The following EARS2 variants were observed in gnomAD, a reference collection of about 807,000 sequenced individuals.
EARS2 encodes glutamyl-tRNA synthetase 2, mitochondrial, also known as nondiscriminating glutamyl-tRNA synthetase EARS2, mitochondrial.
EARS2 carries 50 observed loss-of-function variants against 54.1 expected under a neutral mutation model. The ratio of observed to expected loss-of-function variants is 0.92; its 90% CI spans 0.74 to 1.17. EARS2 has a LOEUF of 1.17. EARS2 is among the 50% of genes most tolerant of loss of function. EARS2 has a pLI of 0.00. For synonymous variants in EARS2, 298 were observed against 281.0 expected (o/e 1.06, Z -0.61); for missense variants, 673 against 675.0 (o/e 1.00, Z 0.03).
chr16:23,532,546 G>A lies in EARS2; in HGVS notation c.1067+111C>T, dbSNP rs1597011492. 5.9e-6 allele frequency: 4 copies of A among 678,896 alleles called. No individual in the cohort carries two copies. In the East Asian group the frequency reaches 1.1e-4, roughly 19 times the overall value. The allele number at this position is 678,896 out of a possible 1,614,324, so 42.1% of individuals were successfully genotyped here. On this transcript the variant is annotated intron_variant, in intron 5 of 8. Coordinates refer to ENST00000449606, the MANE Select transcript of EARS2 (RefSeq NM_001083614.2). ...AGGCTCAAAGAGGCTAGGTGATTTA[G>A]CCATGGTCACACAGAATTAGGTACC...
At position 23,529,597 on chromosome 16, in the gene EARS2, T is replaced by C. The variant is rs1409056738; in HGVS notation, c.1257A>G (p.Pro419=). ...GGCGAGTCCACAGGTAAGAGTATACTGGGGACACCAAGTCCTGCAGGCGGC... is the reference window on the plus strand; with the variant it reads ...GGCGAGTCCACAGGTAAGAGTATACCGGGGACACCAAGTCCTGCAGGCGGC... ...HICRLQDLVS[P]VYSYLWTRPA... is the part of the protein sequence containing the mutation. The change falls in exon 7 of 9, where the codon CCA becomes CCG. Residue 419 remains proline, a synonymous_variant. Coordinates refer to ENST00000449606, the MANE Select transcript of EARS2 (RefSeq NM_001083614.2). 1.2e-6 allele frequency: 2 copies of C among 1,614,118 alleles called. No individual in the cohort carries two copies. The highest frequency in any genetic ancestry group is 3.3e-5 in the Admixed American group (2 of 60,010).
chr16:23,525,051 T>G, intron 8 of EARS2, 193 bp downstream of exon 8: 2 of 698,764 alleles, frequency 2.9e-6, no homozygotes, highest in South Asian at 3.6e-5. Context: ...TATATTGTAT[T>G]CACTGTACCT....
intron 3 of EARS2, among the ~76,000 whole-genome samples, chr16:23,536,571 A>G (rs1965420972): frequency 6.6e-6 from 1 of 152,122 alleles, no homozygotes; most frequent in African/African-American, 2.4e-5. Flanking sequence ...CCAAGGTGGA[A>G]GAATCACTGG....
At chr16:23,532,033 G>A (rs766699434) in intron 5 of EARS2, among the ~76,000 whole-genome samples, 2 of 152,084 alleles carry the variant, frequency 1.3e-5, no homozygotes, top group South Asian at 2.1e-4. Flanking sequence ...GGCTGGTCTC[G>A]AACTCCTGAC....
Position 23,523,986 on chromosome 16 carries a change from CTCTGT to C in EARS2, c.*380_*384del, listed in dbSNP as rs3071379. The C allele has an allele frequency of 0.73, 127,227 of 173,334 alleles. 47,030 individuals carry two copies. The highest frequency in any genetic ancestry group is 0.8 in the Non-Finnish European group (66,717 of 83,260). 10.7% of individuals were successfully genotyped at this position (173,334 alleles called of 1,614,324 possible). On this transcript the variant is annotated 3_prime_UTR_variant, in exon 9 of 9. Transcript: ENST00000449606. ...AGCCTCCAAATGTGAGAAAATAAAT[CTCTGT>C]TGTTTAAACCACCTGGTTCTGTGGC...
In EARS2 at chr16:23,533,322, T is replaced by C. The variant is rs140113633; in HGVS notation, c.959-557A>G. ...ACACACATACATACATACATTTTTC[T>C]GTAGACATGGAGTTTCACTATATTG... On this transcript the variant is annotated intron_variant, in intron 4 of 8. Transcript: ENST00000449606. Among the ~76,000 whole-genome samples the C allele has an allele frequency of 8.5e-5, 13 of 152,210 alleles. No homozygotes were observed. The East Asian group carries it at 2.5e-3, about 30-fold the overall frequency.
intron 3 of EARS2, among the ~76,000 whole-genome samples, chr16:23,538,583 G>T (rs1965462488): frequency 6.6e-6 from 1 of 152,182 alleles, no homozygotes; most frequent in Non-Finnish European, 1.5e-5. Flanking sequence ...CTGTCCAAGT[G>T]CGGTGGCTCA....
chr16:23,548,470 C>CTGA (rs1965642152), intron 2 of EARS2, among the ~76,000 whole-genome samples: 1 of 152,052 alleles, frequency 6.6e-6, no homozygotes, highest in Non-Finnish European at 1.5e-5. Flanking sequence ...CCACCATCAC[C>CTGA]GTTGTTCATC....
chr16:23,549,282 C>T (rs934144020), intron 2 of EARS2, among the ~76,000 whole-genome samples: 11 of 152,152 alleles, frequency 7.2e-5, no homozygotes, highest in African/African-American at 2.7e-4. Flanking sequence ...TTTTGGGTGC[C>T]ACCATGTTCC....
intron 2 of EARS2, among the ~76,000 whole-genome samples, chr16:23,548,385 G>C (rs556892009): frequency 6.6e-6 from 1 of 152,156 alleles, no homozygotes; most frequent in African/African-American, 2.4e-5. Flanking sequence ...ACACCAGGGT[G>C]GGGGACAAGC....
In EARS2 at chr16:23,532,776, G is replaced by T. The variant is rs748792286; in HGVS notation, c.959-11C>A. 21 of 1,598,450 alleles carry T rather than the reference G, an allele frequency of 1.3e-5. No homozygotes were observed. The African/African-American group carries it at 2.5e-4, about 19-fold the overall frequency. On this transcript the variant is annotated splice_polypyrimidine_tract_variant and intron_variant, in intron 4 of 8. Coordinates refer to ENST00000449606, the MANE Select transcript of EARS2 (RefSeq NM_001083614.2). ...TGCCCATTTGGTTCTCTGCAAAGAA[G>T]AGAGGCCCAGCCACTCAGCTTCCTC...
In EARS2 at chr16:23,536,298, C is replaced by G. The variant is rs1036565967; in HGVS notation, c.486-938G>C. ...TTAGTCTTTGCCACAGCTAAGTGTT[C>G]AATCAATCAATAAATGGTGCACAGG... On this transcript the variant is annotated intron_variant, in intron 3 of 8. Coordinates refer to ENST00000449606, the MANE Select transcript of EARS2 (RefSeq NM_001083614.2). 5.9e-5 allele frequency among the ~76,000 whole-genome samples: 9 copies of G among 152,124 alleles called. 1 individual carries two copies. The highest frequency in any genetic ancestry group is 1.9e-4 in the African/African-American group (8 of 41,430).
Position 23,523,402 on chromosome 16 carries a change from G to C in EARS2, c.*969C>G, listed in dbSNP as rs1965172142. On this transcript the variant is annotated 3_prime_UTR_variant, in exon 9 of 9. Transcript: ENST00000449606. ...GAAGGGTGAAGGTCTCCAGTCCAAG[G>C]ACCAGGTCTGGAAGACTGGAAAAAC... 1.3e-5 allele frequency: 2 copies of C among 152,240 alleles called. No individual in the cohort carries two copies. The highest frequency in any genetic ancestry group is 2.9e-5 in the Non-Finnish European group (2 of 68,064). The allele number at this position is 152,240 out of a possible 1,614,324, so 9.4% of individuals were successfully genotyped here. A position where few individuals can be genotyped will look rare whatever the true frequency, so the allele number is the denominator to read the frequency against.
At chr16:23,536,241 C>T (rs1019672143) in intron 3 of EARS2, among the ~76,000 whole-genome samples, 3 of 152,136 alleles carry the variant, frequency 2.0e-5, no homozygotes, top group African/African-American at 7.2e-5. Flanking sequence ...CACCCAAAAG[C>T]GTTCTGAGAC....
At chr16:23,552,663 G>T (rs1597028059) in intron 1 of EARS2, among the ~76,000 whole-genome samples, 2 of 152,184 alleles carry the variant, frequency 1.3e-5, no homozygotes, top group South Asian at 4.1e-4. Context: ...CTACATGTTT[G>T]TATTTTTGGT....
chr16:23,529,771 G>C lies in EARS2; in HGVS notation c.1194C>G (p.Tyr398Ter), dbSNP rs369291371. The change falls in exon 6 of 9, where the codon TAC (tyrosine) becomes TAG (stop). Residue 398 changes from tyrosine (Y) to a stop codon, truncating the protein, a stop_gained. Coordinates refer to ENST00000449606, the MANE Select transcript of EARS2 (RefSeq NM_001083614.2). LOFTEE classifies it high-confidence loss of function. ...LQNRDVLNPV[Y>*]VERILLLRQG... is the part of the protein sequence containing the mutation. ...GTCTCAGCAGGAGGATCCTCTCCAC[G>C]TAGACTGGGTTGAGGACATCCCTGT... The C allele has an allele frequency of 6.2e-7, 1 of 1,614,156 alleles. No individual in the cohort carries two copies. The highest frequency in any genetic ancestry group is 8.5e-7 in the Non-Finnish European group (1 of 1,180,038).
At chr16:23,554,723 C>T (rs1025566517) in intron 1 of EARS2, among the ~76,000 whole-genome samples, 4 of 152,220 alleles carry the variant, frequency 2.6e-5, no homozygotes, top group Non-Finnish European at 5.9e-5. Context: ...CTGCTGAAAA[C>T]AAAGCCTCTT....
In EARS2 at chr16:23,529,858, C is replaced by A. The variant is rs779595575; in HGVS notation, c.1107G>T (p.Arg369Ser). ...CCTGCAGCTTCCCCACCAGCTGGCG[C>A]CTCTGGCTCTCATTGCTCACCAGCC... ...LQRLVSNESQ[R>S]RQLVGKLQVL... The change falls in exon 6 of 9, where the codon AGG (arginine) becomes AGT (serine). Residue 369 changes from arginine (R) to serine (S), a missense_variant. Coordinates refer to ENST00000449606, the MANE Select transcript of EARS2 (RefSeq NM_001083614.2). 2 of 1,614,202 alleles carry A rather than the reference C, an allele frequency of 1.2e-6. No homozygotes were observed. The highest frequency in any genetic ancestry group is 1.1e-5 in the South Asian group (1 of 91,090).
chr16:23,548,401 G>A (rs545255779), intron 2 of EARS2, among the ~76,000 whole-genome samples: 1 of 152,228 alleles, frequency 6.6e-6, no homozygotes, highest in African/African-American at 2.4e-5. Flanking sequence ...CAAGCTCTGG[G>A]CTGCAAGCCT....
Sources: gnomAD v4.1 joint callset for allele counts (sites outside exome capture counted in the v4.1 genomes callset) on GRCh38, gnomAD v4.1.1 for gene constraint, MANE v1.5 for transcripts, NCBI Gene and HGNC (gene_info 2026-07-23, HGNC 2026-07-21) for gene names.